The following ANGPTL6 variants were observed in gnomAD, a reference collection of about 807,000 sequenced individuals.
ANGPTL6 encodes angiopoietin-related protein 6.
A neutral mutation model predicts 47.4 loss-of-function variants in ANGPTL6; 45 were observed. The ratio of observed to expected loss-of-function variants is 0.95; its 90% CI spans 0.75 to 1.22. The LOEUF (loss-of-function observed/expected upper bound fraction) is 1.22. Ranked by LOEUF, ANGPTL6 falls within the 50% of genes most tolerant of loss-of-function variation. ANGPTL6 has a pLI of 0.00. For missense variants in ANGPTL6, 698 were observed against 669.4 expected (o/e 1.04, Z -0.47); for synonymous variants, 290 against 295.9 (o/e 0.98, Z 0.20).
intron 3 of ANGPTL6, among the ~76,000 whole-genome samples, chr19:10,094,112 G>C (rs2088468128): frequency 6.6e-6 from 1 of 151,816 alleles, no homozygotes; most frequent in South Asian, 2.1e-4. Context: ...AAGAATCTGG[G>C]TCCCTTGTCT....
upstream of ANGPTL6, chr19:10,102,803 GAC>G (rs1428576107): frequency 4.5e-5 from 44 of 979,748 alleles, no homozygotes; most frequent in African/African-American, 1.0e-4. Flanking sequence ...TGAGAAATGA[GAC>G]AGAATTGCCA....
upstream of ANGPTL6, among the ~76,000 whole-genome samples, chr19:10,102,993 C>A (rs2088719862): frequency 6.6e-6 from 1 of 151,796 alleles, no homozygotes; most frequent in Admixed American, 6.6e-5. Context: ...AGAGGAACAT[C>A]ACTGGGGACT....
At chr19:10,103,201 C>T (rs989512636), upstream of ANGPTL6, among the ~76,000 whole-genome samples, 18 of 151,730 alleles carry the variant, frequency 1.2e-4, no homozygotes, top group Admixed American at 9.2e-4. Flanking sequence ...GACTCAGAAA[C>T]TCACACATGT....
At chr19:10,098,795 G>A (rs1718169793) in intron 1 of ANGPTL6, among the ~76,000 whole-genome samples, 2 of 151,760 alleles carry the variant, frequency 1.3e-5, no homozygotes, top group Non-Finnish European at 2.9e-5. Context: ...CCGCACTCCA[G>A]CCTGGACAAC....
upstream of ANGPTL6, among the ~76,000 whole-genome samples, chr19:10,103,584 A>G (rs1311866599): frequency 6.8e-6 from 1 of 147,156 alleles, no homozygotes; most frequent in Non-Finnish European, 1.5e-5. Context: ...ACAAGACTGA[A>G]ATTCCATCTC....
In ANGPTL6 at chr19:10,093,856, G is replaced by A; in HGVS notation, c.788C>T (p.Ala263Val). The change falls in exon 4 of 6, where the codon GCC becomes GTC. Residue 263 changes from alanine (A) to valine (V), a missense_variant. Transcript: ENST00000253109. ...ACTCTGTTCATGGCCTGCCTGGCGGGCCTCTGCACAATCCTGCCACGGGCC... is the reference window on the plus strand; with the variant it reads ...ACTCTGTTCATGGCCTGCCTGGCGGACCTCTGCACAATCCTGCCACGGGCC... Reference protein sequence around the residue: ...PVGPWQDCAEARQAGHEQSGV... With the variant: ...PVGPWQDCAEVRQAGHEQSGV... 1 of 1,610,422 alleles carries A rather than the reference G, an allele frequency of 6.2e-7. No individual in the cohort carries two copies. Among genetic ancestry groups the A allele is most frequent in the South Asian group, 1.1e-5 (1 of 91,082 alleles).
At chr19:10,105,707 G>GTAA, upstream of ANGPTL6, among the ~76,000 whole-genome samples, 1 of 151,972 alleles carries the variant, frequency 6.6e-6, no homozygotes, top group Admixed American at 6.6e-5. Context: ...GGAGGAGAGA[G>GTAA]TAATGTTCAG....
At position 10,094,153 on chromosome 19, in the gene ANGPTL6, C is replaced by CT. The variant is rs572040991; in HGVS notation, c.764-274dup. ...CAAAGGAAATGTCAAGTCTGGGGTT[C>CT]TTTTTTTTTTTGAGATGGAGTCTCG... On this transcript the variant is annotated intron_variant, in intron 3 of 5. Transcript: ENST00000253109. Among the ~76,000 whole-genome samples, 218 of 146,492 alleles carry CT rather than the reference C, an allele frequency of 1.5e-3. 2 individuals carry two copies. Among genetic ancestry groups the CT allele is most frequent in the Non-Finnish European group, 1.9e-3 (128 of 66,028 alleles).
Position 10,096,388 on chromosome 19 carries a change from G to T in ANGPTL6, c.176C>A (p.Ala59Asp), listed in dbSNP as rs2088541356. ...STRATPEAAN[A>D]SELAALRMRV... ...CATGCGCAGCGCCGCCAGCTCGCTG[G>T]CGTTGGCGGCCTCGGGCGTCGCCCG... The change falls in exon 2 of 6, where the codon GCC becomes GAC. Residue 59 changes from alanine (A) to aspartate (D), a missense_variant. By Grantham distance (126) the Ala-to-Asp change is moderately radical. Coordinates refer to ENST00000253109, the MANE Select transcript of ANGPTL6 (RefSeq NM_031917.3). 4 of 1,303,276 alleles carry T rather than the reference G, an allele frequency of 3.1e-6. No homozygotes were observed. Among genetic ancestry groups the T allele is most frequent in the Non-Finnish European group, 3.9e-6 (4 of 1,030,504 alleles). 80.7% of individuals were successfully genotyped at this position (1,303,276 alleles called of 1,614,324 possible). A position where few individuals can be genotyped will look rare whatever the true frequency, so the allele number is the denominator to read the frequency against.
rs188953740 is a variant in ANGPTL6, at chr19:10,100,777, G to C, written c.-11+1791C>G. Among the ~76,000 whole-genome samples the C allele has an allele frequency of 2.0e-3, 310 of 152,360 alleles. 2 individuals carry two copies. Among genetic ancestry groups the C allele is most frequent in the African/African-American group, 6.9e-3 (287 of 41,586 alleles). ...AGTCAAACAGCCGCTAGGTAGGTCA[G>C]AGGGTAATCGTGCTTAGGAGAAAAA... On this transcript the variant is annotated intron_variant, in intron 1 of 5. Coordinates refer to ENST00000253109, the MANE Select transcript of ANGPTL6 (RefSeq NM_031917.3).
chr19:10,094,653 G>A lies in ANGPTL6; in HGVS notation c.763+105C>T, dbSNP rs186713851. 6.8e-3 allele frequency: 9,161 copies of A among 1,353,798 alleles called. 259 individuals are homozygous for A. Among genetic ancestry groups the A allele is most frequent in the Admixed American group, 0.051 (2,862 of 56,338 alleles). The allele number at this position is 1,353,798 out of a possible 1,614,324, so 83.9% of individuals were successfully genotyped here. A position where few individuals can be genotyped will look rare whatever the true frequency, so the allele number is the denominator to read the frequency against. On this transcript the variant is annotated intron_variant, in intron 3 of 5. Coordinates refer to ENST00000253109, the MANE Select transcript of ANGPTL6 (RefSeq NM_031917.3). ...GGTCTTATTTTTAATCAGAATAGGA[G>A]TATCATTTCTTCTGGTCTTCTCACA...
At chr19:10,095,068 C>G in intron 2 of ANGPTL6, 130 bp from the exon 3 acceptor site, 2 of 995,424 alleles carry the variant, frequency 2.0e-6, no homozygotes, top group Non-Finnish European at 2.9e-6. Flanking sequence ...TGGGGGTGTC[C>G]CAGCCCTAGG....
chr19:10,099,340 G>C (rs2088621257), intron 1 of ANGPTL6, among the ~76,000 whole-genome samples: 2 of 152,126 alleles, frequency 1.3e-5, no homozygotes, highest in South Asian at 4.1e-4. Flanking sequence ...ACTTTGGGAG[G>C]CGGAGGCGGG....
At chr19:10,092,984 C>T (rs2088430771) in intron 5 of ANGPTL6, 1 of 507,426 alleles carries the variant, frequency 2.0e-6, no homozygotes, top group Admixed American at 3.6e-5. Flanking sequence ...CCTTCCCTAT[C>T]TCCTTACCAA....
intron 1 of ANGPTL6, among the ~76,000 whole-genome samples, chr19:10,098,521 G>C (rs1383543393): frequency 6.6e-6 from 1 of 152,098 alleles, no homozygotes; most frequent in African/African-American, 2.4e-5. Flanking sequence ...ACCTGGGAGA[G>C]GTTAAAGCAA....
At position 10,093,623 on chromosome 19, in the gene ANGPTL6, G is replaced by T. The variant is rs773433405; in HGVS notation, c.952-4C>A. On this transcript the variant is annotated splice_polypyrimidine_tract_variant and splice_region_variant and intron_variant, in intron 4 of 5. Transcript: ENST00000253109. ...CGTCTGGCCGCCCAAAGCCCGCCTGGCAGGGCAGGAAAGTCAGGAAGCCAG... is the reference window on the plus strand; with the variant it reads ...CGTCTGGCCGCCCAAAGCCCGCCTGTCAGGGCAGGAAAGTCAGGAAGCCAG... 1 of 1,613,142 alleles carries T rather than the reference G, an allele frequency of 6.2e-7. No homozygotes were observed. The highest frequency in any genetic ancestry group is 1.3e-5 in the African/African-American group (1 of 74,916).
At chr19:10,099,569 T>C (rs1599291440) in intron 1 of ANGPTL6, among the ~76,000 whole-genome samples, 2 of 86,048 alleles carry the variant, frequency 2.3e-5, no homozygotes, top group Non-Finnish European at 2.0e-5. Context: ...AGAGCAAGAC[T>C]CCATCTCAAA....
Position 10,093,883 on chromosome 19 carries a change from G to A in ANGPTL6, c.764-3C>T, listed in dbSNP as rs1431340768. 1 of 1,606,778 alleles carries A rather than the reference G, an allele frequency of 6.2e-7. No homozygotes were observed. Among genetic ancestry groups the A allele is most frequent in the South Asian group, 1.1e-5 (1 of 91,080 alleles). On this transcript the variant is annotated splice_region_variant and splice_polypyrimidine_tract_variant and intron_variant, in intron 3 of 5. Coordinates refer to ENST00000253109, the MANE Select transcript of ANGPTL6 (RefSeq NM_031917.3). ...CTCTGCACAATCCTGCCACGGGCCTGTGGGCACAGGGATAGGGGGGAGGCA... is the reference window on the plus strand; with the variant it reads ...CTCTGCACAATCCTGCCACGGGCCTATGGGCACAGGGATAGGGGGGAGGCA...
rs1027964446 is a variant in ANGPTL6, at chr19:10,094,778, G to A, written c.743C>T (p.Ala248Val). 14 of 1,614,014 alleles carry A rather than the reference G, an allele frequency of 8.7e-6. No individual in the cohort carries two copies. Among genetic ancestry groups the A allele is most frequent in the South Asian group, 4.4e-5 (4 of 91,090 alleles). ...CTTACCCACAGGCTTGGTGGGGACC[G>A]CAGGGTGACCTGCAGGCATGGGAGA... is the stretch of plus-strand genomic sequence containing the variant. ...MASPMPAGHP[A>V]VPTKPVGPWQ... is the part of the protein sequence containing the mutation. Residue 248 changes from alanine to valine, a missense_variant, in exon 3 of 6, where the codon GCG becomes GTG. By Grantham distance (64) the Ala-to-Val change is moderately conservative. Coordinates refer to ENST00000253109, the MANE Select transcript of ANGPTL6 (RefSeq NM_031917.3).
Sources: allele counts gnomAD v4.1 joint callset (sites outside exome capture counted in the v4.1 genomes callset), GRCh38; gene constraint gnomAD v4.1.1; transcripts MANE v1.5; gene names NCBI Gene and HGNC (gene_info 2026-07-23, HGNC 2026-07-21).